Variants in GLB1 observed in about 807,000 individuals in gnomAD.
GLB1 encodes the protein galactosidase beta 1, also known as beta-galactosidase.
GLB1 carries 56 observed loss-of-function variants against 74.0 expected under a neutral mutation model. The ratio of observed to expected loss-of-function variants is 0.76; its 90% CI spans 0.61 to 0.94. The LOEUF is 0.94. Among genes scored for constraint, GLB1 ranks in the 40% least tolerant of loss-of-function variants. GLB1 has a pLI of 0.00. For missense variants in GLB1, 787 were observed against 845.5 expected (o/e 0.93, Z 0.86); for synonymous variants, 323 against 323.6 (o/e 1.00, Z 0.02).
Position 33,014,149 on chromosome 3 carries a change from C to T in GLB1, c.1641G>A (p.Thr547=), listed in dbSNP as rs370546368. 451 of 1,614,122 alleles carry T rather than the reference C, an allele frequency of 2.8e-4. 1 individual carries two copies. Among genetic ancestry groups the T allele is most frequent in the South Asian group, 2.1e-3 (190 of 91,066 alleles). The change falls in exon 15 of 16, where the codon ACG becomes ACA. Residue 547 remains threonine, a synonymous_variant. Transcript: ENST00000307363. ...AGTTCCCCATATAAAAGGCCGGGAG[C>T]GTGTAGTTGGATGAGTTGTGGGCCC... ...EAWAHNSSNY[T]LPAFYMGNFS... is the part of the protein sequence containing the mutation.
At chr3:33,084,217 G>C (rs1700424289) in intron 1 of GLB1, among the ~76,000 whole-genome samples, 1 of 152,214 alleles carries the variant, frequency 6.6e-6, no homozygotes. Flanking sequence ...GAGGCTGAGG[G>C]AACATGGATA....
chr3:33,016,596 C>A, intron 14 of GLB1, 113 bp downstream of exon 14: 1 of 1,571,156 alleles, frequency 6.4e-7, no homozygotes, highest in South Asian at 1.1e-5. Flanking sequence ...AAGTGATCCT[C>A]CTGCCTTGGC....
intron 10 of GLB1, among the ~76,000 whole-genome samples, chr3:33,026,502 A>AG (rs147631181): frequency 2.6e-5 from 4 of 152,130 alleles, no homozygotes; most frequent in African/African-American, 7.2e-5. Context: ...CCTGGGTGGA[A>AG]GGGGGCGAGT....
intron 6 of GLB1, among the ~76,000 whole-genome samples, chr3:33,055,247 C>T (rs1167160333): frequency 6.6e-6 from 1 of 152,162 alleles, no homozygotes; most frequent in Non-Finnish European, 1.5e-5. Context: ...CTAGCAGTGA[C>T]AGTCACGCTG....
At chr3:33,030,622 A>G (rs1444078562) in intron 10 of GLB1, 1 of 985,328 alleles carries the variant, frequency 1.0e-6, no homozygotes, top group African/African-American at 1.7e-5. Flanking sequence ...TTCAAACTTC[A>G]TTAAGCTTTT....
chr3:32,979,922 A>T, the GLB1 span, among the ~76,000 whole-genome samples: 1 of 152,030 alleles, frequency 6.6e-6, no homozygotes, highest in African/African-American at 2.4e-5. Flanking sequence ...TCTGAAAAAA[A>T]TTAATTAAAA....
At chr3:33,094,126 T>C (rs1700900081) in intron 1 of GLB1, 2 of 1,614,154 alleles carry the variant, frequency 1.2e-6, no homozygotes, top group African/African-American at 1.3e-5. Context: ...GAGGCGATCA[T>C]GGACACGAAG....
chr3:33,046,847 C>T (rs1310621090), intron 9 of GLB1, among the ~76,000 whole-genome samples: 2 of 152,184 alleles, frequency 1.3e-5, no homozygotes, highest in African/African-American at 4.8e-5. Context: ...TTGGATCCCC[C>T]TTTAGAACCA....
intron 5 of GLB1, among the ~76,000 whole-genome samples, chr3:33,063,079 A>C (rs571338336): frequency 6.6e-6 from 1 of 152,344 alleles, no homozygotes; most frequent in Non-Finnish European, 1.5e-5. Flanking sequence ...GATGGCTTCC[A>C]GACAGAAGGA....
intron 15 of GLB1, among the ~76,000 whole-genome samples, chr3:32,998,225 G>C (rs1696395155): frequency 6.6e-6 from 1 of 152,194 alleles, no homozygotes; most frequent in South Asian, 2.1e-4. Context: ...TTGCTCAAAG[G>C]GGCTGAGTGC....
chr3:32,974,167 G>A, the GLB1 span, among the ~76,000 whole-genome samples: 2 of 152,330 alleles, frequency 1.3e-5, no homozygotes, highest in East Asian at 3.9e-4. Flanking sequence ...ATTACAGGAT[G>A]TGAGATTCAA....
Position 33,011,263 on chromosome 3 carries a change from C to G in GLB1, c.1734+2793G>C, listed in dbSNP as rs541165402. ...GTGGCTCACACTTGTAATCCTAGCA[C>G]TTTTCGAGGCCAAGTTCACATAAAA... On this transcript the variant is annotated intron_variant, in intron 15 of 15. Coordinates refer to ENST00000307363, the MANE Select transcript of GLB1 (RefSeq NM_000404.4). 4.6e-5 allele frequency among the ~76,000 whole-genome samples: 7 copies of G among 152,062 alleles called. No homozygotes were observed. The South Asian group carries it at 1.5e-3, about 32-fold the overall frequency.
intron 10 of GLB1, among the ~76,000 whole-genome samples, chr3:33,032,695 T>TTACA (rs1387486098): frequency 6.6e-6 from 1 of 152,104 alleles, no homozygotes; most frequent in Non-Finnish European, 1.5e-5. Context: ...AGTGCTGGGG[T>TTACA]TACAGGCAAG....
chr3:33,046,013 C>T, intron 10 of GLB1, 107 bp downstream of exon 10: 1 of 1,401,128 alleles, frequency 7.1e-7, no homozygotes, highest in Non-Finnish European at 9.8e-7. Context: ...TTCATCCATC[C>T]TTTTAAACAG....
At chr3:32,973,341 A>AT in the GLB1 span, among the ~76,000 whole-genome samples, 29 of 148,786 alleles carry the variant, frequency 1.9e-4, 1 homozygote, top group Admixed American at 8.1e-4. Flanking sequence ...ACATAATTGC[A>AT]TTTTTTTTTT....
chr3:33,083,725 A>G (rs1433104472), intron 1 of GLB1, among the ~76,000 whole-genome samples: 2 of 152,122 alleles, frequency 1.3e-5, no homozygotes, highest in Non-Finnish European at 2.9e-5. Flanking sequence ...GAGAGAAAAA[A>G]CCCAGCAGTA....
At chr3:33,034,971 A>G (rs1698208665) in intron 10 of GLB1, among the ~76,000 whole-genome samples, 1 of 152,160 alleles carries the variant, frequency 6.6e-6, no homozygotes, top group South Asian at 2.1e-4. Flanking sequence ...ATTTTAAAAT[A>G]TTTTTAGCCA....
At chr3:33,088,882 A>G (rs1180170651) in intron 1 of GLB1, among the ~76,000 whole-genome samples, 1 of 152,240 alleles carries the variant, frequency 6.6e-6, no homozygotes, top group Non-Finnish European at 1.5e-5. Context: ...TGATTTCAAA[A>G]CATATTGCAA....
chr3:33,096,799 G>A (rs1701051140), intron 1 of GLB1: 2 of 1,351,186 alleles, frequency 1.5e-6, no homozygotes, highest in Non-Finnish European at 1.9e-6. Context: ...AAGCGACCGA[G>A]CTGCCTGGAA....
Sources: allele counts gnomAD v4.1 joint callset (sites outside exome capture counted in the v4.1 genomes callset), GRCh38; gene constraint gnomAD v4.1.1; transcripts MANE v1.5; gene names NCBI Gene and HGNC (gene_info 2026-07-23, HGNC 2026-07-21).